The following NHSL1 variants were observed in gnomAD, a reference collection of about 807,000 sequenced individuals.
NHSL1 encodes the protein NHS like 1, also known as NHS-like protein 1.
Under a neutral mutation model 95.0 loss-of-function variants are expected in NHSL1, and 48 were observed. The observed-to-expected ratio is 0.51, with a 90% CI of 0.40 to 0.64. The LOEUF (loss-of-function observed/expected upper bound fraction) is 0.64, where lower values mean the gene tolerates loss of function less well. NHSL1 is among the 30% of genes least tolerant of loss of function. The pLI, the probability that NHSL1 is intolerant of heterozygous loss-of-function variation, is 0.00. For synonymous variants in NHSL1, 783 were observed against 833.9 expected (o/e 0.94, Z 1.05); for missense variants, 1,971 against 2,077.7 (o/e 0.95, Z 1.00).
rs1379387677 is a variant in NHSL1 at position 138,692,374 on chromosome 6, C to G, written c.96+102G>C. ...TGGAGACCCCGACATCGCGGGGCTC[C>G]GCGGCCCCCGCGCCGACCCAGGGCC... is the stretch of plus-strand genomic sequence containing the variant. On this transcript the variant is annotated intron_variant, in intron 1 of 3. Coordinates refer to the NHSL1 transcript ENST00000491526. This position sits in a 1 kb window ranked among gnomAD's most constrained non-coding sequence, Gnocchi z 4.0. The G allele has an allele frequency of 3.3e-6, 1 of 302,078 alleles. No individual in the cohort carries two copies. The highest frequency in any genetic ancestry group is 2.9e-5 in the South Asian group (1 of 34,506). The allele number at this position is 302,078 out of a possible 1,614,324, so 18.7% of individuals were successfully genotyped here.
chr6:138,424,905 G>A lies in NHSL1; in HGVS notation c.4086-89C>T. On this transcript the variant is annotated intron_variant, in intron 7 of 7. Coordinates refer to ENST00000343505, the MANE Select transcript of NHSL1 (RefSeq NM_001144060.2). This position sits in a 1 kb window ranked among gnomAD's most constrained non-coding sequence, Gnocchi z 5.9. ...CCACTCTGCTCTTATCGCATCTTCA[G>A]GTCACCATCTACTTAAGATTCACTT... 1 of 1,044,644 alleles carries A rather than the reference G, an allele frequency of 9.6e-7. No individual in the cohort carries two copies. The highest frequency in any genetic ancestry group is 2.7e-5 in the Admixed American group (1 of 36,698). The allele number at this position is 1,044,644 out of a possible 1,614,324, so 64.7% of individuals were successfully genotyped here.
intron 1 of NHSL1, among the ~76,000 whole-genome samples, chr6:138,620,153 A>G (rs1784635777): frequency 6.6e-6 from 1 of 152,198 alleles, no homozygotes; most frequent in Non-Finnish European, 1.5e-5. Flanking sequence ...ATTTAGGTAA[A>G]GAGAAAGAAG....
At chr6:138,625,065 G>A (rs181016869) in intron 1 of NHSL1, among the ~76,000 whole-genome samples, 435 of 152,188 alleles carry the variant, frequency 2.9e-3, no homozygotes, top group Non-Finnish European at 4.6e-3. Flanking sequence ...TGTTAATACG[G>A]TGGATATTAA....
At chr6:138,651,481 G>C (rs980657323) in intron 1 of NHSL1, among the ~76,000 whole-genome samples, 1 of 152,160 alleles carries the variant, frequency 6.6e-6, no homozygotes, top group Non-Finnish European at 1.5e-5. Context: ...AATAGTTGTA[G>C]AAACAACGAA....
chr6:138,445,996 T>C (rs1776839497), intron 4 of NHSL1, among the ~76,000 whole-genome samples: 1 of 152,144 alleles, frequency 6.6e-6, no homozygotes, highest in Admixed American at 6.5e-5. Context: ...CCCATGCTCC[T>C]TGTGGGCTAT....
In NHSL1 at chr6:138,668,626, CT is replaced by C. The variant is rs1231203513; in HGVS notation, c.96+23849del. Among the ~76,000 whole-genome samples the C allele has an allele frequency of 7.7e-3, 1,001 of 130,388 alleles. 2 individuals are homozygous for C. The highest frequency in any genetic ancestry group is 8.6e-3 in the Non-Finnish European group (523 of 60,882). The allele number at this position is 130,388 out of a possible 152,430, so 85.5% of individuals were successfully genotyped here. A position where few individuals can be genotyped will look rare whatever the true frequency, so the allele number is the denominator to read the frequency against. ...ATTTAAAAACAAGAAATTTTTTTTT[CT>C]TTTTTTTTTTTTTTTTGAGACAGAG... is the stretch of plus-strand genomic sequence containing the variant. On this transcript the variant is annotated intron_variant, in intron 1 of 3. Coordinates refer to the NHSL1 transcript ENST00000491526.
intron 1 of NHSL1, among the ~76,000 whole-genome samples, chr6:138,539,185 C>A (rs969955569): frequency 1.3e-5 from 2 of 152,134 alleles, no homozygotes; most frequent in African/African-American, 4.8e-5. Flanking sequence ...AATGCAATTG[C>A]TACATACGAT....
chr6:138,468,845 T>G (rs1472911896), intron 3 of NHSL1, among the ~76,000 whole-genome samples: 1 of 152,248 alleles, frequency 6.6e-6, no homozygotes, highest in Non-Finnish European at 1.5e-5. Context: ...ACACAATGCA[T>G]GACTGTATTT....
intron 1 of NHSL1, among the ~76,000 whole-genome samples, chr6:138,625,527 C>A (rs1478897636): frequency 6.6e-6 from 1 of 151,964 alleles, no homozygotes; most frequent in Non-Finnish European, 1.5e-5. Context: ...TAACTACTAT[C>A]TCCCCTTCCT....
intron 5 of NHSL1, 115 bp downstream of exon 5, chr6:138,441,867 TG>T: frequency 1.0e-6 from 1 of 967,844 alleles, no homozygotes; most frequent in Non-Finnish European, 1.4e-6. Flanking sequence ...GCTGGCCCGT[TG>T]GGGCACCAAA....
chr6:138,474,599 GA>G, intron 2 of NHSL1, among the ~76,000 whole-genome samples: 1 of 152,066 alleles, frequency 6.6e-6, no homozygotes, highest in Admixed American at 6.5e-5. Context: ...GCAAACTAAT[GA>G]AAAAATGCAT....
intron 1 of NHSL1, among the ~76,000 whole-genome samples, chr6:138,627,616 GCT>G (rs1232762821): frequency 6.6e-6 from 1 of 152,190 alleles, no homozygotes; most frequent in African/African-American, 2.4e-5. Context: ...AGTCGCGGTG[GCT>G]CACGCCTGTA....
chr6:138,548,521 G>GGTGTAT (rs1166693289), upstream of NHSL1, among the ~76,000 whole-genome samples: 1 of 152,082 alleles, frequency 6.6e-6, no homozygotes, highest in Non-Finnish European at 1.5e-5. Flanking sequence ...CATTACGGTT[G>GGTGTAT]GTGTATTTTA....
At chr6:138,527,391 TAAAA>T (rs1012855482) in intron 1 of NHSL1, among the ~76,000 whole-genome samples, 5 of 151,926 alleles carry the variant, frequency 3.3e-5, no homozygotes, top group African/African-American at 1.2e-4. Context: ...CCAAAAAATT[TAAAA>T]AAAAGTTTCT....
chr6:138,433,642 C>T lies in NHSL1; in HGVS notation c.703G>A (p.Val235Met). The change falls in exon 6 of 8, where the codon GTG becomes ATG. Residue 235 changes from valine (V) to methionine (M), a missense_variant. Physicochemically the swap from Val to Met is conservative, Grantham distance 21 (BLOSUM62 1). Transcript: ENST00000343505. Reference protein sequence around the residue: ...TGQDDADGHSVYTPDHYSTLG... With the variant: ...TGQDDADGHSMYTPDHYSTLG... ...GTAGAGTAGTGATCAGGGGTGTACA[C>T]TGAGTGGCCATCAGCATCATCTTGG... 7.1e-6 allele frequency: 11 copies of T among 1,547,124 alleles called. No individual in the cohort carries two copies. Among genetic ancestry groups the T allele is most frequent in the Non-Finnish European group, 9.6e-6 (11 of 1,143,152 alleles).
chr6:138,432,242 G>C lies in NHSL1; in HGVS notation c.2103C>G (p.Ile701Met). Residue 701 changes from isoleucine to methionine, a missense_variant, in exon 6 of 8, where the codon ATC (isoleucine) becomes ATG (methionine). Ile to Met is a conservative substitution (Grantham distance 10). This residue lies in a region of NHSL1 where 1,602 missense variants were observed against 1,654.5 expected (regional missense o/e 0.97). Transcript: ENST00000343505. The surrounding 1 kb of genome is among the most constrained non-coding windows in gnomAD (Gnocchi z 4.4). ...GCTGCAGCGAGTGCTGGAGTGTGGC[G>C]ATCAGGCTCTCGTTGAGCACCTGCC... is the stretch of plus-strand genomic sequence containing the variant. ...CNGQVLNESL[I>M]ATLQHSLQLS... 1.3e-6 allele frequency: 2 copies of C among 1,549,254 alleles called. No homozygotes were observed. Among genetic ancestry groups the C allele is most frequent in the Non-Finnish European group, 1.7e-6 (2 of 1,145,698 alleles).
chr6:138,670,961 C>G (rs899209754), intron 1 of NHSL1, among the ~76,000 whole-genome samples: 3 of 151,926 alleles, frequency 2.0e-5, no homozygotes, highest in African/African-American at 7.3e-5. Flanking sequence ...TCAAGACGAG[C>G]AACACAGTGA....
chr6:138,658,973 C>T (rs1452995444), intron 1 of NHSL1, among the ~76,000 whole-genome samples: 2 of 151,500 alleles, frequency 1.3e-5, no homozygotes, highest in African/African-American at 4.9e-5. Flanking sequence ...ACCAACCAAA[C>T]ATTGACATAT....
chr6:138,667,532 C>G (rs1785311343), intron 1 of NHSL1, among the ~76,000 whole-genome samples: 1 of 152,174 alleles, frequency 6.6e-6, no homozygotes, highest in South Asian at 2.1e-4. Flanking sequence ...AAAAGACTGA[C>G]TGGAAATGCA....
Sources: gnomAD v4.1 joint callset for allele counts (sites outside exome capture counted in the v4.1 genomes callset) on GRCh38, gnomAD v4.1.1 for gene constraint, gnomAD v4.1.1 regional missense constraint, Gnocchi (gnomAD v3.1) non-coding constraint, MANE v1.5 for transcripts, NCBI Gene and HGNC (gene_info 2026-07-23, HGNC 2026-07-21) for gene names.